The following TBX1 variants were observed in gnomAD, a reference collection of about 807,000 sequenced individuals.
TBX1 encodes the protein T-box transcription factor 1, also known as T-box transcription factor TBX1.
TBX1 carries 16 observed loss-of-function variants against 40.8 expected under a neutral mutation model. That is an observed-to-expected ratio of 0.39 (90% CI 0.27 to 0.60). The LOEUF (loss-of-function observed/expected upper bound fraction) is 0.60, where lower values mean the gene tolerates loss of function less well. Among genes scored for constraint, TBX1 ranks in the 20% least tolerant of loss-of-function variants. TBX1 has a pLI of 0.51. For missense variants in TBX1, 755 were observed against 728.5 expected (o/e 1.04, Z -0.42); for synonymous variants, 403 against 336.8 (o/e 1.20, Z -2.15).
intron 2 of TBX1, chr22:19,763,673 GT>G: frequency 2.3e-6 from 1 of 436,752 alleles, no homozygotes; most frequent in Non-Finnish European, 4.2e-6. Context: ...TGAGCGCCTA[GT>G]CCCCTTCCCC....
Position 19,761,089 on chromosome 22 carries a change from G to T in TBX1, c.246G>T (p.Ala82=), listed in dbSNP as rs1201666534. 2.8e-5 allele frequency: 30 copies of T among 1,077,214 alleles called. No individual in the cohort carries two copies. The highest frequency in any genetic ancestry group is 3.4e-5 in the Non-Finnish European group (30 of 881,812). 66.7% of individuals were successfully genotyped at this position (1,077,214 alleles called of 1,614,324 possible). A position where few individuals can be genotyped will look rare whatever the true frequency, so the allele number is the denominator to read the frequency against. ...CGCCGCCGCACGCCTACCCGTTTGCGCCGGCCGCCGGGGCCGCCACCAGCG... is the reference window on the plus strand; with the variant it reads ...CGCCGCCGCACGCCTACCCGTTTGCTCCGGCCGCCGGGGCCGCCACCAGCG... ...PPPPPHAYPF[A]PAAGAATSAA... is the part of the protein sequence containing the mutation. The change falls in exon 1 of 7, where the codon GCG becomes GCT. Residue 82 remains alanine (A), a synonymous_variant. Transcript: ENST00000649276.
At chr22:19,780,776 G>GTTTTGTTT (rs1937133064), downstream of TBX1, among the ~76,000 whole-genome samples, 3 of 119,104 alleles carry the variant, frequency 2.5e-5, no homozygotes, top group African/African-American at 1.0e-4. Context: ...CTTGTTTTCT[G>GTTTTGTTT]TTTTTTTTTT....
rs563765156 is a variant in TBX1 at position 19,765,669 on chromosome 22, C to A, written c.868-89C>A. ...GGGCAGCAGAAAGGCCCTTGGTGCG[C>A]TTCTCCTAACACTCCCCTATCCTCC... On this transcript the variant is annotated intron_variant, in intron 4 of 6. Transcript: ENST00000649276. The A allele has an allele frequency of 1.4e-4, 203 of 1,454,124 alleles. 1 individual carries two copies. The highest frequency in any genetic ancestry group is 2.3e-4 in the Admixed American group (12 of 53,148). 90.1% of individuals were successfully genotyped at this position (1,454,124 alleles called of 1,614,324 possible). A position where few individuals can be genotyped will look rare whatever the true frequency, so the allele number is the denominator to read the frequency against.
At chr22:19,779,838 G>A (rs1425800329), downstream of TBX1, among the ~76,000 whole-genome samples, 3 of 152,184 alleles carry the variant, frequency 2.0e-5, no homozygotes, top group African/African-American at 7.2e-5. Context: ...CACCCTCCTG[G>A]GGATTAGCAT....
chr22:19,777,313 T>C (rs1382898041), intron 8 of TBX1, among the ~76,000 whole-genome samples: 1 of 152,100 alleles, frequency 6.6e-6, no homozygotes, highest in Non-Finnish European at 1.5e-5. Flanking sequence ...ATGCGGTGTT[T>C]GGTTTTTTGT....
rs770044781 is a variant in TBX1 at position 19,765,841 on chromosome 22, CGA to C, written c.935+22_935+23del. The C allele has an allele frequency of 2.9e-5, 47 of 1,595,112 alleles. No homozygotes were observed. Among genetic ancestry groups the C allele is most frequent in the Non-Finnish European group, 3.8e-5 (45 of 1,171,746 alleles). ...CTGAGGACTGGTGAGTGTCCTCCCC[CGA>C]GAGAGTGAGCGCCGGGCGCCTGGCG... On this transcript the variant is annotated intron_variant, in intron 5 of 6. Coordinates refer to ENST00000649276, the MANE Select transcript of TBX1 (RefSeq NM_001379200.1).
upstream of TBX1, among the ~76,000 whole-genome samples, chr22:19,760,253 C>T (rs1387710133): frequency 7.1e-6 from 1 of 140,196 alleles, no homozygotes; most frequent in Non-Finnish European, 1.5e-5. Flanking sequence ...AAACAAAGGA[C>T]ATACAAAAAT....
chr22:19,759,568 G>A (rs911654827), upstream of TBX1: 79 of 1,589,276 alleles, frequency 5.0e-5, no homozygotes, highest in Middle Eastern at 1.0e-3. Flanking sequence ...CGGAGGCGGC[G>A]GAGCGCACCG....
intron 8 of TBX1, among the ~76,000 whole-genome samples, chr22:19,774,142 A>G (rs921850604): frequency 6.6e-6 from 1 of 152,254 alleles, no homozygotes; most frequent in African/African-American, 2.4e-5. Context: ...AGCCGTCTAC[A>G]CTGCTGGTGG....
chr22:19,775,484 G>C (rs1937050747), intron 8 of TBX1, among the ~76,000 whole-genome samples: 1 of 152,214 alleles, frequency 6.6e-6, no homozygotes. Context: ...ATCTTGGATT[G>C]ACCAATTCCC....
intron 2 of TBX1, 85 bp downstream of exon 2, chr22:19,763,427 T>G (rs2145832615): frequency 1.6e-6 from 2 of 1,281,256 alleles, no homozygotes; most frequent in African/African-American, 2.9e-5. Context: ...ACTCCAAGGG[T>G]CGTCTGCACC....
chr22:19,775,502 C>T (rs1057161391), intron 8 of TBX1, among the ~76,000 whole-genome samples: 1 of 152,264 alleles, frequency 6.6e-6, no homozygotes, highest in Admixed American at 6.5e-5. Context: ...CCCTACCTGC[C>T]TCTAAAGCGG....
chr22:19,771,581 A>C (rs1013939466), downstream of TBX1, among the ~76,000 whole-genome samples: 2 of 152,206 alleles, frequency 1.3e-5, no homozygotes, highest in Non-Finnish European at 2.9e-5. Flanking sequence ...TCAGCTTTCA[A>C]TTGCACAAAG....
chr22:19,763,610 C>T, intron 2 of TBX1: 1 of 525,134 alleles, frequency 1.9e-6, no homozygotes, highest in Non-Finnish European at 3.4e-6. Context: ...GGGTGGTCAG[C>T]CAAGTACTCA....
At chr22:19,777,121 T>C (rs947629715) in intron 8 of TBX1, among the ~76,000 whole-genome samples, 12 of 152,180 alleles carry the variant, frequency 7.9e-5, no homozygotes, top group African/African-American at 2.9e-4. Context: ...GCAGGTTTGT[T>C]ACATATGTAT....
In TBX1 at chr22:19,766,894, G is replaced by A. The variant is rs375239385; in HGVS notation, c.*27G>A. ...ACGGGCCCTGTCGCGCTCCCGCCCC[G>A]GTCCTGCACAGCCCCGAAGTTCGCC... On this transcript the variant is annotated 3_prime_UTR_variant, in exon 7 of 7. Coordinates refer to ENST00000649276, the MANE Select transcript of TBX1 (RefSeq NM_001379200.1). 2 of 1,575,360 alleles carry A rather than the reference G, an allele frequency of 1.3e-6. No homozygotes were observed. The highest frequency in any genetic ancestry group is 2.7e-5 in the African/African-American group (2 of 73,066).
At chr22:19,777,527 G>A (rs1025166242) in intron 8 of TBX1, among the ~76,000 whole-genome samples, 1 of 152,188 alleles carries the variant, frequency 6.6e-6, no homozygotes, top group African/African-American at 2.4e-5. Flanking sequence ...ACATACGTGT[G>A]CATGTGTCTT....
At position 19,766,795 on chromosome 22, in the gene TBX1, TGCCGCGGCC is replaced by T; in HGVS notation, c.1447_1455del (p.Ala483_Ala485del). 1 of 1,510,906 alleles carries T rather than the reference TGCCGCGGCC, an allele frequency of 6.6e-7. No individual in the cohort carries two copies. 93.6% of individuals were successfully genotyped at this position (1,510,906 alleles called of 1,614,324 possible). On this transcript the variant is annotated inframe_deletion, in exon 7 of 7. Coordinates refer to ENST00000649276, the MANE Select transcript of TBX1 (RefSeq NM_001379200.1). The stretch of plus-strand genomic sequence containing the variant: ...CGGCCGCCGCCGCCGCTGCCGCAGC[TGCCGCGGCC>T]GCCAACATGTACTCGTCGGCCGGAG...
chr22:19,762,176 C>G (rs1936689755), intron 1 of TBX1, among the ~76,000 whole-genome samples: 1 of 152,248 alleles, frequency 6.6e-6, no homozygotes, highest in Non-Finnish European at 1.5e-5. Flanking sequence ...CACACAGGCC[C>G]TCCTGAGGAC....
Sources: gnomAD v4.1 joint callset for allele counts (sites outside exome capture counted in the v4.1 genomes callset) on GRCh38, gnomAD v4.1.1 for gene constraint, MANE v1.5 for transcripts, NCBI Gene and HGNC (gene_info 2026-07-23, HGNC 2026-07-21) for gene names.